The following AHCY variants were observed in gnomAD, a reference collection of about 807,000 sequenced individuals.
AHCY encodes the protein S-adenosyl-L-homocysteine hydrolase.
AHCY carries 24 observed loss-of-function variants against 45.4 expected under a neutral mutation model. That is an observed-to-expected ratio of 0.53 (90% confidence interval 0.38 to 0.74). The LOEUF (loss-of-function observed/expected upper bound fraction) is 0.74. Among genes scored for constraint, AHCY ranks in the 30% least tolerant of loss-of-function variants. The pLI, the probability that AHCY is intolerant of heterozygous loss-of-function variation, is 0.00. For missense variants in AHCY, 449 were observed against 594.1 expected, an observed-to-expected ratio of 0.76 and a Z score of 2.54; for synonymous variants, 245 against 235.1, an observed-to-expected ratio of 1.04 and a Z score of -0.39.
the AHCY span, among the ~76,000 whole-genome samples, chr20:34,244,188 G>A: frequency 6.6e-6 from 1 of 152,172 alleles, no homozygotes. Flanking sequence ...AACACCGCAA[G>A]TCTTCCTTCC....
Position 34,295,558 on chromosome 20 carries a change from C to T in AHCY, c.56G>A (p.Arg19His), listed in dbSNP as rs758133308. The T allele has an allele frequency of 8.1e-6, 13 of 1,614,020 alleles. No homozygotes were observed. Among genetic ancestry groups the T allele is most frequent in the Non-Finnish European group, 1.1e-5 (13 of 1,180,034 alleles). Residue 19 changes from arginine to histidine, a missense_variant, in exon 2 of 10, where the codon CGC (arginine) becomes CAC (histidine). Coordinates refer to ENST00000217426, the MANE Select transcript of AHCY (RefSeq NM_000687.4). Reference protein sequence around the residue: ...VADIGLAAWGRKALDIAENEM... With the variant: ...VADIGLAAWGHKALDIAENEM... ...GTTCTCAGCAATGTCCAGGGCCTTG[C>T]GTCCCCAGGCAGCCAGGCCGATGTC...
upstream of AHCY, among the ~76,000 whole-genome samples, chr20:34,307,242 C>T (rs1386166917): frequency 1.3e-5 from 2 of 151,980 alleles, no homozygotes; most frequent in African/African-American, 2.4e-5. Context: ...GTGCATGTCG[C>T]TACCACCCGG....
At chr20:34,307,125 T>A (rs2036903894), upstream of AHCY, among the ~76,000 whole-genome samples, 5 of 151,162 alleles carry the variant, frequency 3.3e-5, no homozygotes, top group South Asian at 1.0e-3. Context: ...TTTTTCTTTT[T>A]TTTTTTTTTT....
intron 1 of AHCY, among the ~76,000 whole-genome samples, chr20:34,298,866 G>A (rs142818068): frequency 0.01 from 1,569 of 152,176 alleles, 26 homozygotes; most frequent in African/African-American, 0.036. Context: ...AAATAATTGC[G>A]TAAGCTGTCT....
intron 9 of AHCY, among the ~76,000 whole-genome samples, chr20:34,283,060 C>T (rs2036054659): frequency 6.6e-6 from 1 of 152,158 alleles, no homozygotes; most frequent in African/African-American, 2.4e-5. Context: ...GAGAGGCGGG[C>T]AACAGTAGGA....
intron 1 of AHCY, among the ~76,000 whole-genome samples, chr20:34,296,124 A>G (rs2036571704): frequency 2.0e-5 from 3 of 152,304 alleles, no homozygotes; most frequent in African/African-American, 4.8e-5. Context: ...ACTCATCCGT[A>G]TAACGAATGC....
chr20:34,253,451 A>G, the AHCY span, among the ~76,000 whole-genome samples: 57 of 137,710 alleles, frequency 4.1e-4, no homozygotes, highest in Non-Finnish European at 7.6e-4. Context: ...ATTTTATTTT[A>G]TTTATTTATT....
At chr20:34,307,054 A>G (rs2036902918), upstream of AHCY, among the ~76,000 whole-genome samples, 1 of 151,894 alleles carries the variant, frequency 6.6e-6, no homozygotes, top group Admixed American at 6.5e-5. Context: ...AGATGTCACC[A>G]TTGGGAGAAA....
intron 1 of AHCY, chr20:34,302,689 T>A (rs2036817883): frequency 1.0e-6 from 1 of 987,000 alleles, no homozygotes; most frequent in Admixed American, 6.1e-5. Flanking sequence ...AGGCTGCCCC[T>A]GCTGGAGGGG....
intron 3 of AHCY, among the ~76,000 whole-genome samples, chr20:34,293,056 G>A (rs948774916): frequency 6.6e-6 from 1 of 152,140 alleles, no homozygotes; most frequent in Non-Finnish European, 1.5e-5. Context: ...ATGACTACGA[G>A]CAGCTACCAT....
the AHCY span, among the ~76,000 whole-genome samples, chr20:34,239,861 G>A: frequency 2.0e-5 from 3 of 152,190 alleles, no homozygotes; most frequent in African/African-American, 7.2e-5. Context: ...AATGTTTATT[G>A]CAGGGCCCCA....
chr20:34,302,608 T>G (rs2036815382), intron 1 of AHCY: 1 of 985,338 alleles, frequency 1.0e-6, no homozygotes. Context: ...TAACTATCCC[T>G]GTATTACACT....
At chr20:34,267,919 T>A in the AHCY span, among the ~76,000 whole-genome samples, 1 of 150,580 alleles carries the variant, frequency 6.6e-6, no homozygotes, top group Non-Finnish European at 1.5e-5. Flanking sequence ...TTTCAATATG[T>A]GATTAATTTA....
Position 34,280,337 on chromosome 20 carries a change from CT to C in AHCY, c.*696del, listed in dbSNP as rs2035960913. 6.6e-6 allele frequency: 1 copy of C among 152,322 alleles called. No homozygotes were observed. Among genetic ancestry groups the C allele is most frequent in the Non-Finnish European group, 1.5e-5 (1 of 68,202 alleles). 9.4% of individuals were successfully genotyped at this position (152,322 alleles called of 1,614,324 possible). A position where few individuals can be genotyped will look rare whatever the true frequency, so the allele number is the denominator to read the frequency against. ...TTAACATTATAGGCCAAATTATTCT[CT>C]TTTTGACCCAGGGTTGTGAAAGGAA... On this transcript the variant is annotated 3_prime_UTR_variant, in exon 10 of 10. Transcript: ENST00000217426.
chr20:34,309,795 G>GAATT (rs1176718773), intron 1 of AHCY, among the ~76,000 whole-genome samples: 1 of 148,964 alleles, frequency 6.7e-6, no homozygotes, highest in Non-Finnish European at 1.5e-5. Flanking sequence ...ATAAATAAGT[G>GAATT]AATTAATTAA....
chr20:34,260,922 G>C, the AHCY span, among the ~76,000 whole-genome samples: 4 of 152,166 alleles, frequency 2.6e-5, no homozygotes, highest in African/African-American at 9.7e-5. Context: ...GGGAATGAAG[G>C]CTCAGGGGAA....
Position 34,285,607 on chromosome 20 carries a change from G to T in AHCY, c.1000C>A (p.Arg334Ser), listed in dbSNP as rs150066229. 3 of 1,613,698 alleles carry T rather than the reference G, an allele frequency of 1.9e-6. No homozygotes were observed. In the African/African-American group the frequency reaches 4.0e-5, roughly 22 times the overall value. The change falls in exon 9 of 10, where the codon CGC (arginine) becomes AGC (serine). Residue 334 changes from arginine to serine, a missense_variant. Coordinates refer to ENST00000217426, the MANE Select transcript of AHCY (RefSeq NM_000687.4). ...CCCTCGGCCAGCAGGATGATGCGGC[G>T]CCCATTCTTCAACCGATACCGGTCC... is the stretch of plus-strand genomic sequence containing the variant. Reference protein sequence around the residue: ...QVDRYRLKNGRRIILLAEGRL... With the variant: ...QVDRYRLKNGSRIILLAEGRL...
the AHCY span, chr20:34,260,323 C>T: frequency 1.1e-4 from 178 of 1,583,724 alleles, no homozygotes; most frequent in Non-Finnish European, 1.4e-4. Flanking sequence ...CTTACCATTA[C>T]CCCTGACCCA....
At chr20:34,268,871 G>T in the AHCY span, 6 of 1,305,124 alleles carry the variant, frequency 4.6e-6, no homozygotes, top group Middle Eastern at 2.5e-4. Flanking sequence ...TGGGCGGTGG[G>T]CAAGCCAGCG....
Sources: allele counts gnomAD v4.1 joint callset (sites outside exome capture counted in the v4.1 genomes callset), GRCh38; gene constraint gnomAD v4.1.1; transcripts MANE v1.5; gene names NCBI Gene and HGNC (gene_info 2026-07-23, HGNC 2026-07-21).